NELL2: variants seen among roughly 807,000 people sequenced by gnomAD.
NELL2 encodes the protein neural EGFL like 2, also known as protein kinase C-binding protein NELL2.
In NELL2, 41 loss-of-function variants were observed where a neutral mutation model predicts 109.6. That is an observed-to-expected ratio of 0.37 (90% CI 0.29 to 0.49). The LOEUF (loss-of-function observed/expected upper bound fraction) is 0.49. Among genes scored for constraint, NELL2 ranks in the 20% least tolerant of loss-of-function variants. NELL2 has a pLI of 0.98. For synonymous variants in NELL2, 355 were observed against 344.7 expected (o/e 1.03, Z -0.33); for missense variants, 900 against 1,008.3 (o/e 0.89, Z 1.45).
intron 19 of NELL2, among the ~76,000 whole-genome samples, chr12:44,513,658 C>A (rs1427020721): frequency 6.6e-6 from 1 of 151,738 alleles, no homozygotes; most frequent in African/African-American, 2.4e-5. Flanking sequence ...AACCTAATAG[C>A]AGATTAGAGA....
intron 2 of NELL2, among the ~76,000 whole-genome samples, chr12:44,861,361 C>G (rs1456782066): frequency 6.6e-6 from 1 of 152,200 alleles, no homozygotes; most frequent in Non-Finnish European, 1.5e-5. Flanking sequence ...GCCTCCAAAC[C>G]CATTCTAGTG....
At chr12:44,818,829 G>A (rs867621296) in intron 2 of NELL2, among the ~76,000 whole-genome samples, 32 of 133,188 alleles carry the variant, frequency 2.4e-4, no homozygotes, top group Admixed American at 7.0e-4. Context: ...TGCAAGCTCC[G>A]CTTCCCGGGT....
intron 12 of NELL2, among the ~76,000 whole-genome samples, chr12:44,698,377 A>T (rs754238393): frequency 6.6e-6 from 1 of 151,026 alleles, no homozygotes; most frequent in Non-Finnish European, 1.5e-5. Flanking sequence ...TGACCAGGTG[A>T]CATACAGCCC....
At chr12:44,800,727 A>T (rs1942799410) in intron 3 of NELL2, among the ~76,000 whole-genome samples, 1 of 152,182 alleles carries the variant, frequency 6.6e-6, no homozygotes, top group Non-Finnish European at 1.5e-5. Flanking sequence ...TCTTTAGGCC[A>T]ATAAAGCCTG....
At chr12:44,890,336 A>C (rs1234655638) in intron 1 of NELL2, among the ~76,000 whole-genome samples, 1 of 152,208 alleles carries the variant, frequency 6.6e-6, no homozygotes, top group Non-Finnish European at 1.5e-5. Context: ...TGCCGGGAAG[A>C]CTGGCCATCA....
chr12:44,629,116 T>C (rs988541034), intron 13 of NELL2, among the ~76,000 whole-genome samples: 2 of 152,148 alleles, frequency 1.3e-5, no homozygotes, highest in African/African-American at 4.8e-5. Flanking sequence ...CTGTATTAAT[T>C]TGAACTATGG....
At chr12:44,910,452 A>C (rs1473766605) in intron 1 of NELL2, among the ~76,000 whole-genome samples, 2 of 151,984 alleles carry the variant, frequency 1.3e-5, no homozygotes, top group East Asian at 3.8e-4. Flanking sequence ...AAAAACTCAA[A>C]AACACCAGGC....
chr12:44,763,655 T>G (rs528220889), intron 9 of NELL2, among the ~76,000 whole-genome samples: 3 of 152,250 alleles, frequency 2.0e-5, no homozygotes, highest in Non-Finnish European at 4.4e-5. Context: ...CATCATGAGA[T>G]ATATTTGTGC....
At chr12:44,527,028 C>G (rs1276582641) in intron 16 of NELL2, among the ~76,000 whole-genome samples, 1 of 152,212 alleles carries the variant, frequency 6.6e-6, no homozygotes, top group East Asian at 1.9e-4. Flanking sequence ...ATAATCTCAT[C>G]ATACTTAGCA....
chr12:44,733,849 A>G (rs1939501080), intron 9 of NELL2, among the ~76,000 whole-genome samples: 3 of 151,988 alleles, frequency 2.0e-5, no homozygotes, highest in Admixed American at 1.3e-4. Context: ...TTCTAGTTTA[A>G]TTGTATTGTG....
chr12:44,803,703 C>T (rs1031370080), intron 3 of NELL2, among the ~76,000 whole-genome samples: 5 of 151,710 alleles, frequency 3.3e-5, no homozygotes, highest in South Asian at 2.1e-4. Flanking sequence ...TTATATAAAG[C>T]GTTCTTACAA....
intron 9 of NELL2, among the ~76,000 whole-genome samples, chr12:44,751,700 C>G (rs1163821182): frequency 1.3e-5 from 2 of 151,978 alleles, no homozygotes; most frequent in Non-Finnish European, 2.9e-5. Flanking sequence ...AACATTTGTA[C>G]TTTAACTTTT....
chr12:44,756,215 A>C (rs1473771556), intron 9 of NELL2, among the ~76,000 whole-genome samples: 1 of 151,998 alleles, frequency 6.6e-6, no homozygotes, highest in Non-Finnish European at 1.5e-5. Flanking sequence ...CAAAGTTCGA[A>C]TTCTTCAATT....
intron 3 of NELL2, among the ~76,000 whole-genome samples, chr12:44,800,010 C>A (rs566293643): frequency 3.3e-5 from 5 of 152,044 alleles, no homozygotes; most frequent in Non-Finnish European, 5.9e-5. Context: ...CGTATTTAAT[C>A]ACCAAATCCT....
At chr12:44,644,007 A>G (rs1946958621) in intron 13 of NELL2, among the ~76,000 whole-genome samples, 1 of 152,174 alleles carries the variant, frequency 6.6e-6, no homozygotes, top group Admixed American at 6.5e-5. Flanking sequence ...AGGACAAGAC[A>G]AACTGTAAAG....
intron 15 of NELL2, among the ~76,000 whole-genome samples, chr12:44,575,814 C>A (rs931127050): frequency 1.3e-5 from 2 of 152,206 alleles, no homozygotes; most frequent in African/African-American, 4.8e-5. Context: ...CTTTGATGCT[C>A]TTCCAATATC....
Position 44,662,132 on chromosome 12 carries a change from C to A in NELL2, c.1444+3352G>T, listed in dbSNP as rs546238197. ...AAATGCATCATTTGTGCAAATAGTG[C>A]AACTGAGTCATTTCCACAACTTTGG... On this transcript the variant is annotated intron_variant, in intron 13 of 19. Transcript: ENST00000429094. Among the ~76,000 whole-genome samples, 276 of 152,204 alleles carry A rather than the reference C, an allele frequency of 1.8e-3. 2 individuals are homozygous for A. Among genetic ancestry groups the A allele is most frequent in the African/African-American group, 5.7e-3 (235 of 41,538 alleles).
At chr12:44,556,648 A>G (rs1212020633) in intron 15 of NELL2, among the ~76,000 whole-genome samples, 1 of 152,212 alleles carries the variant, frequency 6.6e-6, no homozygotes, top group Non-Finnish European at 1.5e-5. Flanking sequence ...TAACCCAGCT[A>G]AGATCCAGCT....
chr12:44,804,809 T>C (rs1192988038), intron 3 of NELL2, among the ~76,000 whole-genome samples: 6 of 151,784 alleles, frequency 4.0e-5, no homozygotes, highest in Admixed American at 1.3e-4. Context: ...AAAAAGAGAA[T>C]TAAATGAACT....
Sources: allele counts gnomAD v4.1 joint callset (sites outside exome capture counted in the v4.1 genomes callset), GRCh38; gene constraint gnomAD v4.1.1; transcripts MANE v1.5; gene names NCBI Gene and HGNC (gene_info 2026-07-23, HGNC 2026-07-21).